Variants in SUGCT observed in about 807,000 individuals in gnomAD.
SUGCT encodes succinyl-CoA:glutarate CoA-transferase.
Under a neutral mutation model 55.0 loss-of-function variants are expected in SUGCT, and 41 were observed. The observed-to-expected ratio is 0.74, with a 90% CI of 0.58 to 0.97. The LOEUF is 0.97. Among genes scored for constraint, SUGCT ranks in the 50% least tolerant of loss-of-function variants. The probability of loss-of-function intolerance (pLI) is 0.00; values close to 1 mark genes in which losing one functional copy is unlikely to be tolerated. For missense variants in SUGCT, 568 were observed against 547.8 expected (o/e 1.04, Z -0.37); for synonymous variants, 187 against 200.4 (o/e 0.93, Z 0.56).
intron 1 of SUGCT, among the ~76,000 whole-genome samples, chr7:40,144,824 A>G (rs1788161760): frequency 6.6e-6 from 1 of 152,194 alleles, no homozygotes; most frequent in Non-Finnish European, 1.5e-5. Context: ...ACCATTTTAT[A>G]TTTGACAATG....
At chr7:41,014,989 A>C in the SUGCT span, among the ~76,000 whole-genome samples, 3 of 152,230 alleles carry the variant, frequency 2.0e-5, no homozygotes, top group African/African-American at 7.2e-5. Context: ...TTACCTGAGA[A>C]TTATGATCTT....
At chr7:40,641,937 C>T (rs1800288498) in intron 12 of SUGCT, among the ~76,000 whole-genome samples, 1 of 152,174 alleles carries the variant, frequency 6.6e-6, no homozygotes, top group South Asian at 2.1e-4. Flanking sequence ...ACTCTTTCAT[C>T]TCACACTTTA....
chr7:41,037,740 C>CTT, the SUGCT span, among the ~76,000 whole-genome samples: 17 of 136,686 alleles, frequency 1.2e-4, no homozygotes, highest in Admixed American at 2.2e-4. Flanking sequence ...CATGTGTGCA[C>CTT]TTTTTTTTTT....
At position 40,266,185 on chromosome 7, in the gene SUGCT, C is replaced by CTTTTT. The variant is rs10685507; in HGVS notation, c.577-8316_577-8312dup. On this transcript the variant is annotated intron_variant, in intron 7 of 13. Coordinates refer to ENST00000335693, the MANE Select transcript of SUGCT (RefSeq NM_001193313.2). ...TTTTTCTTTTCTTTTCTTTCCTTTC[C>CTTTTT]TTTTTTTTTTTTTTTTGAGGTGGAG... Among the ~76,000 whole-genome samples the CTTTTT allele has an allele frequency of 1.4e-4, 16 of 116,808 alleles. 1 individual carries two copies. The highest frequency in any genetic ancestry group is 1.8e-4 in the Non-Finnish European group (11 of 59,670). The allele number at this position is 116,808 out of a possible 152,430, so 76.6% of individuals were successfully genotyped here.
chr7:40,135,097 T>A lies in SUGCT; in HGVS notation c.77T>A (p.Leu26Gln). The A allele has an allele frequency of 6.4e-7, 1 of 1,557,868 alleles. No homozygotes were observed. The highest frequency in any genetic ancestry group is 8.7e-7 in the Non-Finnish European group (1 of 1,152,004). The change falls in exon 1 of 14, where the codon CTG becomes CAG. Residue 26 changes from leucine (L) to glutamine (Q), a missense_variant. Transcript: ENST00000335693. The part of the protein sequence containing the change: ...LFSGRGGGRG[L>Q]WTGRPQSDMN... ...TCCGGCCGGGGCGGCGGGAGGGGGC[T>A]GTGGACTGGCCGCCCGCAGTCAGGT...
intron 6 of SUGCT, among the ~76,000 whole-genome samples, chr7:40,231,826 G>A (rs772972056): frequency 6.6e-5 from 10 of 152,276 alleles, no homozygotes; most frequent in Middle Eastern, 3.4e-3. Context: ...ATGGTTGAGC[G>A]TGGTGGCTTA....
intron 9 of SUGCT, among the ~76,000 whole-genome samples, chr7:40,419,673 C>G (rs1787202149): frequency 6.6e-6 from 1 of 152,124 alleles, no homozygotes; most frequent in Non-Finnish European, 1.5e-5. Flanking sequence ...AGGTCCACTG[C>G]TAAGAGGCAT....
chr7:41,009,955 C>A, the SUGCT span, among the ~76,000 whole-genome samples: 4 of 152,208 alleles, frequency 2.6e-5, no homozygotes, highest in Admixed American at 2.6e-4. Flanking sequence ...GAGATATGTG[C>A]TGTATTCACA....
chr7:40,191,351 C>T (rs1391698570), intron 5 of SUGCT, among the ~76,000 whole-genome samples: 3 of 152,216 alleles, frequency 2.0e-5, no homozygotes, highest in South Asian at 2.1e-4. Context: ...ATTAACTTAG[C>T]TTCAATTGCT....
chr7:40,355,548 G>A (rs1388861375), intron 9 of SUGCT, among the ~76,000 whole-genome samples: 1 of 152,128 alleles, frequency 6.6e-6, no homozygotes, highest in African/African-American at 2.4e-5. Context: ...TTTAGGCTTT[G>A]CAGGCCAAGA....
chr7:40,221,577 G>A (rs1301625620), intron 6 of SUGCT, among the ~76,000 whole-genome samples: 1 of 141,250 alleles, frequency 7.1e-6, no homozygotes, highest in African/African-American at 2.7e-5. Flanking sequence ...TGCAAGCTCC[G>A]CCTCCCGGGT....
chr7:40,641,526 TC>T (rs1800268919), intron 12 of SUGCT, among the ~76,000 whole-genome samples: 4 of 152,152 alleles, frequency 2.6e-5, no homozygotes, highest in Admixed American at 2.6e-4. Context: ...TATGGCTGGT[TC>T]TGTTACCCTA....
chr7:40,878,542 C>T, the SUGCT span, among the ~76,000 whole-genome samples: 1 of 152,164 alleles, frequency 6.6e-6, no homozygotes, highest in African/African-American at 2.4e-5. Context: ...GGCACCAGTA[C>T]CCACATTAGC....
At chr7:40,527,398 C>A (rs1263678040) in intron 12 of SUGCT, among the ~76,000 whole-genome samples, 6 of 152,180 alleles carry the variant, frequency 3.9e-5, no homozygotes, top group Non-Finnish European at 8.8e-5. Context: ...GCATTAGATT[C>A]TTTTTCCTTC....
chr7:40,204,089 C>T (rs986996864), intron 6 of SUGCT, among the ~76,000 whole-genome samples: 3 of 151,628 alleles, frequency 2.0e-5, no homozygotes, highest in Non-Finnish European at 4.4e-5. Flanking sequence ...CCCAGGCTCA[C>T]GTGATCCTCC....
intron 7 of SUGCT, among the ~76,000 whole-genome samples, chr7:40,261,345 A>G (rs1355268095): frequency 1.3e-5 from 2 of 152,206 alleles, no homozygotes; most frequent in African/African-American, 4.8e-5. Context: ...TCCGGGTCAC[A>G]CAGTTTCTAT....
intron 9 of SUGCT, among the ~76,000 whole-genome samples, chr7:40,347,699 A>G (rs537171897): frequency 1.3e-5 from 2 of 152,330 alleles, no homozygotes; most frequent in African/African-American, 4.8e-5. Flanking sequence ...ATTAATCAAC[A>G]TAGTTTAGTT....
chr7:40,782,050 T>C (rs1309031020), intron 13 of SUGCT, among the ~76,000 whole-genome samples: 1 of 152,110 alleles, frequency 6.6e-6, no homozygotes, highest in African/African-American at 2.4e-5. Flanking sequence ...ATTTTTATCT[T>C]CTTTATCTTT....
intron 6 of SUGCT, among the ~76,000 whole-genome samples, chr7:40,207,663 A>C (rs1207912549): frequency 1.3e-5 from 2 of 152,020 alleles, no homozygotes; most frequent in African/African-American, 2.4e-5. Flanking sequence ...CCAAAAATAC[A>C]AAAATTAGCC....
Sources: gnomAD v4.1 joint callset for allele counts (sites outside exome capture counted in the v4.1 genomes callset) on GRCh38, gnomAD v4.1.1 for gene constraint, MANE v1.5 for transcripts, NCBI Gene and HGNC (gene_info 2026-07-23, HGNC 2026-07-21) for gene names.